Variants in GSK3B observed in about 807,000 individuals in gnomAD.
GSK3B encodes the protein glycogen synthase kinase-3 beta.
GSK3B carries 15 observed loss-of-function variants against 56.4 expected under a neutral mutation model. That is an observed-to-expected ratio of 0.27 (90% CI 0.18 to 0.41). The LOEUF (loss-of-function observed/expected upper bound fraction) is 0.41, where lower values mean the gene tolerates loss of function less well. Among genes scored for constraint, GSK3B ranks in the 10% least tolerant of loss-of-function variants. The pLI, the probability that GSK3B is intolerant of heterozygous loss-of-function variation, is 1.00. For synonymous variants in GSK3B, 181 were observed against 188.9 expected (o/e 0.96, Z 0.34); for missense variants, 300 against 513.4 (o/e 0.58, Z 4.02).
rs201787969 is a variant in GSK3B, at chr3:119,916,153, G to T, written c.499C>A (p.Arg167=). Residue 167 remains arginine, a synonymous_variant, in exon 5 of 11, where the codon CGA becomes AGA. Transcript: ENST00000264235. ...AAGGAATGGATATAGGCTAAACTTCGGAACAGCTGATACATATACAACTGG... is the reference window on the plus strand; with the variant it reads ...AAGGAATGGATATAGGCTAAACTTCTGAACAGCTGATACATATACAACTGG... The part of the protein sequence containing the change: ...YVKLYMYQLF[R]SLAYIHSFGI... 6.2e-7 allele frequency: 1 copy of T among 1,603,726 alleles called. No homozygotes were observed. The highest frequency in any genetic ancestry group is 1.3e-5 in the African/African-American group (1 of 74,714).
chr3:119,868,506 G>A (rs2056211117), intron 8 of GSK3B, among the ~76,000 whole-genome samples: 1 of 152,248 alleles, frequency 6.6e-6, no homozygotes, highest in East Asian at 1.9e-4. Flanking sequence ...TGAATCTCAA[G>A]CACTTTAAAA....
intron 2 of GSK3B, among the ~76,000 whole-genome samples, chr3:119,958,677 CTCCCTCG>C (rs1431329041): frequency 6.6e-6 from 1 of 151,860 alleles, no homozygotes; most frequent in African/African-American, 2.4e-5. Flanking sequence ...GACCCTGTCT[CTCCCTCG>C]ACCCTGGAAG....
intron 1 of GSK3B, among the ~76,000 whole-genome samples, chr3:120,050,836 T>C (rs2058142501): frequency 6.6e-6 from 1 of 152,106 alleles, no homozygotes; most frequent in Non-Finnish European, 1.5e-5. Flanking sequence ...TAATATCTAG[T>C]TTTTCATAAA....
chr3:119,862,886 C>G (rs2056127104), intron 9 of GSK3B, among the ~76,000 whole-genome samples: 2 of 152,104 alleles, frequency 1.3e-5, no homozygotes, highest in African/African-American at 4.8e-5. Flanking sequence ...TCAGTATTAT[C>G]TCAGCAGCAG....
In GSK3B at chr3:119,822,102, A is replaced by G. The variant is rs1440898662; in HGVS notation, c.*4686T>C. 7 of 174,174 alleles carry G rather than the reference A, an allele frequency of 4.0e-5. No individual in the cohort carries two copies. The East Asian group carries it at 5.9e-4, about 15-fold the overall frequency. The allele number at this position is 174,174 out of a possible 1,614,324, so 10.8% of individuals were successfully genotyped here. A position where few individuals can be genotyped will look rare whatever the true frequency, so the allele number is the denominator to read the frequency against. On this transcript the variant is annotated 3_prime_UTR_variant, in exon 11 of 11. Transcript: ENST00000264235. ...AAACATTGAGCATACTTTTCACAAA[A>G]AAGTTTATATTTAAAATGAAAAAAA...
chr3:119,978,847 G>T (rs1398865770), intron 2 of GSK3B, among the ~76,000 whole-genome samples: 1 of 152,186 alleles, frequency 6.6e-6, no homozygotes, highest in African/African-American at 2.4e-5. Flanking sequence ...GTCCTCAGAG[G>T]ACCAGCAGGA....
At chr3:119,948,419 G>T (rs140135172) in intron 2 of GSK3B, among the ~76,000 whole-genome samples, 2 of 152,140 alleles carry the variant, frequency 1.3e-5, no homozygotes, top group Non-Finnish European at 2.9e-5. Context: ...CTGACCTTTC[G>T]GAGTTGGGCT....
intron 2 of GSK3B, among the ~76,000 whole-genome samples, chr3:119,975,461 G>A (rs2057401346): frequency 6.6e-6 from 1 of 151,970 alleles, no homozygotes; most frequent in Non-Finnish European, 1.5e-5. Flanking sequence ...AAAAAGATAT[G>A]AGCTATCATA....
intron 6 of GSK3B, among the ~76,000 whole-genome samples, chr3:119,910,489 C>T (rs2056725055): frequency 6.6e-6 from 1 of 152,098 alleles, no homozygotes; most frequent in Non-Finnish European, 1.5e-5. Flanking sequence ...AAAAAAAATG[C>T]TAATGATCAT....
At chr3:120,044,991 C>T (rs754455480) in intron 1 of GSK3B, among the ~76,000 whole-genome samples, 4 of 152,140 alleles carry the variant, frequency 2.6e-5, no homozygotes, top group East Asian at 1.9e-4. Context: ...GAAAAGAAAT[C>T]GTGGCCTCAA....
At chr3:119,894,958 C>T (rs945536124) in intron 7 of GSK3B, among the ~76,000 whole-genome samples, 1 of 152,012 alleles carries the variant, frequency 6.6e-6, no homozygotes, top group African/African-American at 2.4e-5. Context: ...TTGAGGTAAA[C>T]AGTGATATTA....
intron 1 of GSK3B, among the ~76,000 whole-genome samples, chr3:120,076,541 C>T (rs1188149306): frequency 1.3e-5 from 2 of 152,036 alleles, no homozygotes; most frequent in African/African-American, 4.8e-5. Flanking sequence ...GGCGGCTGGG[C>T]GCGGTGGCTC....
rs1426128784 is a variant in GSK3B, at chr3:120,093,545, AG to A, written c.-112del. Reference sequence around the variant, plus strand: ...ATGCAGCATTAAGTTCTCCCACAGAAGAAAAAGAAAAAGACTTCGTCCTCTT... The same window carrying A: ...ATGCAGCATTAAGTTCTCCCACAGAAAAAAAGAAAAAGACTTCGTCCTCTT... On this transcript the variant is annotated 5_prime_UTR_variant, in exon 1 of 11. Transcript: ENST00000264235. The A allele has an allele frequency of 1.8e-5, 12 of 682,082 alleles. No individual in the cohort carries two copies. Among genetic ancestry groups the A allele is most frequent in the Non-Finnish European group, 3.1e-5 (12 of 382,922 alleles). The allele number at this position is 682,082 out of a possible 1,614,324, so 42.3% of individuals were successfully genotyped here.
intron 9 of GSK3B, among the ~76,000 whole-genome samples, chr3:119,845,135 T>G (rs2055837832): frequency 6.6e-6 from 1 of 152,132 alleles, no homozygotes; most frequent in Non-Finnish European, 1.5e-5. Flanking sequence ...AAACACTCAA[T>G]AAACTAGGTA....
intron 2 of GSK3B, among the ~76,000 whole-genome samples, chr3:119,983,087 C>T (rs145920780): frequency 6.6e-6 from 1 of 152,236 alleles, no homozygotes; most frequent in Non-Finnish European, 1.5e-5. Flanking sequence ...AACCCAGAAT[C>T]TCATATCCAG....
At chr3:119,915,974 TATATTTAAAAGAAG>T (rs1299752066) in intron 5 of GSK3B, 56 bp downstream of exon 5, 1 of 1,051,366 alleles carries the variant, frequency 9.5e-7, no homozygotes. Flanking sequence ...GCAAAAGGAA[TATATTTAAAAGAAG>T]ATAGTAGGGG....
intron 9 of GSK3B, 188 bp from the exon 10 acceptor site, chr3:119,843,541 G>C (rs1035720101): frequency 7.4e-6 from 2 of 268,978 alleles, no homozygotes; most frequent in Non-Finnish European, 1.5e-5. Flanking sequence ...TCAGGAGTTC[G>C]AGATCAGCCT....
chr3:120,074,263 G>A (rs189731368), intron 1 of GSK3B, among the ~76,000 whole-genome samples: 173 of 151,144 alleles, frequency 1.1e-3, no homozygotes, highest in South Asian at 4.4e-3. Context: ...TCGCACCACC[G>A]CAGTGCAGCT....
At chr3:119,939,185 T>C (rs866355817) in intron 3 of GSK3B, among the ~76,000 whole-genome samples, 1 of 151,542 alleles carries the variant, frequency 6.6e-6, no homozygotes, top group African/African-American at 2.4e-5. Context: ...GGGTGGAGGG[T>C]AGGAAAGAAG....
Sources: gnomAD v4.1 joint callset for allele counts (sites outside exome capture counted in the v4.1 genomes callset) on GRCh38, gnomAD v4.1.1 for gene constraint, MANE v1.5 for transcripts, NCBI Gene and HGNC (gene_info 2026-07-23, HGNC 2026-07-21) for gene names.